DEFB125: variants seen among roughly 807,000 people sequenced by gnomAD.
The protein encoded by DEFB125 is beta-defensin 125.
A neutral mutation model predicts 11.8 loss-of-function variants in DEFB125; 11 were observed. That is an observed-to-expected ratio of 0.94 (90% CI 0.59 to 1.55). DEFB125 has a LOEUF of 1.55. Among genes scored for constraint, DEFB125 ranks in the 40% most tolerant of loss-of-function variants. The pLI is 0.00. For missense variants in DEFB125, 198 were observed against 191.2 expected (o/e 1.04, Z -0.21); for synonymous variants, 79 against 66.7 (o/e 1.18, Z -0.90).
intron 1 of DEFB125, among the ~76,000 whole-genome samples, chr20:88,377 A>AAT (rs2054483924): frequency 6.6e-6 from 1 of 152,188 alleles, no homozygotes. Flanking sequence ...ACTATTTAAT[A>AAT]ATGCTACTTT....
chr20:94,713 T>A (rs2054508517), intron 1 of DEFB125, among the ~76,000 whole-genome samples: 1 of 152,148 alleles, frequency 6.6e-6, no homozygotes, highest in Non-Finnish European at 1.5e-5. Context: ...AACTTTTTCC[T>A]CCTATCTAGG....
At chr20:89,345 T>G (rs2054488158) in intron 1 of DEFB125, among the ~76,000 whole-genome samples, 1 of 152,140 alleles carries the variant, frequency 6.6e-6, no homozygotes, top group African/African-American at 2.4e-5. Flanking sequence ...TTGGAAATTT[T>G]GAAATTGTAA....
intron 1 of DEFB125, among the ~76,000 whole-genome samples, chr20:93,780 G>A (rs2054504977): frequency 6.6e-6 from 1 of 152,134 alleles, no homozygotes; most frequent in Non-Finnish European, 1.5e-5. Context: ...CCTGTACAGG[G>A]CAATCCAGAA....
intron 1 of DEFB125, among the ~76,000 whole-genome samples, chr20:89,958 TTTATA>T (rs1402818513): frequency 6.6e-6 from 1 of 152,204 alleles, no homozygotes; most frequent in African/African-American, 2.4e-5. Context: ...CTCTCTGGGC[TTTATA>T]TTATGTGTTT....
In DEFB125 at chr20:96,223, GTA is replaced by G; in HGVS notation, c.279_280del (p.Ser94TyrfsTer4). 1 of 1,614,152 alleles carries G rather than the reference GTA, an allele frequency of 6.2e-7. No individual in the cohort carries two copies. Among genetic ancestry groups the G allele is most frequent in the Non-Finnish European group, 8.5e-7 (1 of 1,180,028 alleles). On this transcript the variant is annotated frameshift_variant, in exon 2 of 2. Transcript: ENST00000382410. LOFTEE classifies it high-confidence loss of function. ...SDVDSFTGSP[V>X]SMLNDLITFD... Reference sequence around the variant, plus strand: ...TGTGGACTCTTTTACTGGTTCCCCAGTATCTATGTTGAATGATCTGATAACAT... The same window carrying G: ...TGTGGACTCTTTTACTGGTTCCCCAGTCTATGTTGAATGATCTGATAACAT...
In DEFB125 at chr20:96,059, G is replaced by A. The variant is rs116934569; in HGVS notation, c.113G>A (p.Arg38Gln). The A allele has an allele frequency of 3.2e-4, 514 of 1,613,406 alleles. 2 individuals are homozygous for A. The East Asian group carries it at 6.9e-3, about 22-fold the overall frequency. Reference protein sequence around the residue: ...WKNNVGHCRRRCLDTERYILL... With the variant: ...WKNNVGHCRRQCLDTERYILL... ...AATAATGTAGGACATTGCAGAAGACGATGTTTAGATACTGAAAGGTACATA... is the reference window on the plus strand; with the variant it reads ...AATAATGTAGGACATTGCAGAAGACAATGTTTAGATACTGAAAGGTACATA... The change falls in exon 2 of 2, where the codon CGA becomes CAA. Residue 38 changes from arginine (R) to glutamine (Q), a missense_variant. Physicochemically the swap from Arg to Gln is conservative, Grantham distance 43. Coordinates refer to ENST00000382410, the MANE Select transcript of DEFB125 (RefSeq NM_153325.4).
intron 1 of DEFB125, among the ~76,000 whole-genome samples, chr20:88,129 C>T (rs1292267168): frequency 2.0e-5 from 3 of 152,178 alleles, no homozygotes; most frequent in African/African-American, 4.8e-5. Context: ...AGTTCTCCTA[C>T]CATCTTGAAT....
At chr20:95,538 A>T (rs916522963) in intron 1 of DEFB125, among the ~76,000 whole-genome samples, 30 of 150,430 alleles carry the variant, frequency 2.0e-4, no homozygotes, top group Middle Eastern at 3.5e-3. Context: ...CTGGCCTGAA[A>T]TTTTTTTTTT....
At position 95,951 on chromosome 20, in the gene DEFB125, G is replaced by GTTGT. The variant is rs937361143; in HGVS notation, c.59-52_59-49dup. 1.5e-5 allele frequency: 23 copies of GTTGT among 1,490,426 alleles called. No individual in the cohort carries two copies. In the African/African-American group the frequency reaches 3.1e-4, roughly 20 times the overall value. The allele number at this position is 1,490,426 out of a possible 1,614,324, so 92.3% of individuals were successfully genotyped here. On this transcript the variant is annotated intron_variant, in intron 1 of 1. Transcript: ENST00000382410. ...GTGTAAATTTTTGAATGAATGAAAAGTTGTTATGTTGATGCCAGAGTTAAA... is the reference window on the plus strand; with the variant it reads ...GTGTAAATTTTTGAATGAATGAAAAGTTGTTTGTTATGTTGATGCCAGAGTTAAA...
intron 1 of DEFB125, among the ~76,000 whole-genome samples, chr20:93,704 A>G (rs2054504698): frequency 6.6e-6 from 1 of 152,158 alleles, no homozygotes; most frequent in Admixed American, 6.5e-5. Flanking sequence ...TTCTGTTTTC[A>G]TGCATATCAG....
rs200192457 is a variant in DEFB125 at position 87,722 on chromosome 20, A to C, written c.13A>C (p.Met5Leu). Reference sequence around the variant, plus strand: ...TCTCCCAGGAGCCATGAATATCCTGATGCTGACCTTCATTATCTGTGGGTT... The same window carrying C: ...TCTCCCAGGAGCCATGAATATCCTGCTGCTGACCTTCATTATCTGTGGGTT... MNIL[M>L]LTFIICGLLT... Residue 5 changes from methionine to leucine, a missense_variant, in exon 1 of 2, where the codon ATG (methionine) becomes CTG (leucine). Transcript: ENST00000382410. The C allele has an allele frequency of 6.2e-7, 1 of 1,613,210 alleles. No individual in the cohort carries two copies. The highest frequency in any genetic ancestry group is 8.5e-7 in the Non-Finnish European group (1 of 1,179,256).
chr20:94,361 C>G (rs554200744), intron 1 of DEFB125, among the ~76,000 whole-genome samples: 1 of 152,100 alleles, frequency 6.6e-6, no homozygotes, highest in African/African-American at 2.4e-5. Context: ...CAGTGGACCC[C>G]TTTTGGCACC....
chr20:96,004 G>A lies in DEFB125; in HGVS notation c.59-1G>A, dbSNP rs1315685806. ...TTTGACCTATATTTTATTCTCTACA[G>A]GTAGCTTTGAACCCCAAAAATGTTG... is the stretch of plus-strand genomic sequence containing the variant. On this transcript the variant is annotated splice_acceptor_variant, in intron 1 of 1. Coordinates refer to ENST00000382410, the MANE Select transcript of DEFB125 (RefSeq NM_153325.4). LOFTEE classifies it high-confidence loss of function. 8.8e-6 allele frequency: 14 copies of A among 1,593,964 alleles called. No homozygotes were observed. The highest frequency in any genetic ancestry group is 1.1e-5 in the Non-Finnish European group (13 of 1,167,048).
chr20:92,174 T>C (rs192753843), intron 1 of DEFB125, among the ~76,000 whole-genome samples: 4 of 152,328 alleles, frequency 2.6e-5, no homozygotes, highest in South Asian at 2.1e-4. Context: ...TCCTCCTCCA[T>C]AGAGCCTTAT....
intron 1 of DEFB125, among the ~76,000 whole-genome samples, chr20:93,904 T>A (rs187470882): frequency 0.019 from 2,854 of 150,632 alleles, 35 homozygotes; most frequent in South Asian, 0.036. Flanking sequence ...TTGGTAATAT[T>A]TTTTTTTTCC....
At chr20:91,724 A>T (rs2054496802) in intron 1 of DEFB125, among the ~76,000 whole-genome samples, 1 of 152,244 alleles carries the variant, frequency 6.6e-6, no homozygotes, top group South Asian at 2.1e-4. Context: ...TGACAGAACA[A>T]GGCGATTCAA....
chr20:91,925 C>T (rs994741832), intron 1 of DEFB125, among the ~76,000 whole-genome samples: 5 of 151,966 alleles, frequency 3.3e-5, no homozygotes, highest in African/African-American at 9.7e-5. Flanking sequence ...AAAGTAAAAT[C>T]GAGCCAGTAA....
intron 1 of DEFB125, among the ~76,000 whole-genome samples, chr20:92,642 C>T (rs751115941): frequency 1.3e-5 from 2 of 152,098 alleles, no homozygotes; most frequent in African/African-American, 2.4e-5. Flanking sequence ...CCACCCTCCT[C>T]GGCTTCCCAA....
chr20:94,684 C>T (rs1830871792), intron 1 of DEFB125, among the ~76,000 whole-genome samples: 2 of 152,042 alleles, frequency 1.3e-5, no homozygotes, highest in Non-Finnish European at 2.9e-5. Context: ...GGTTGGGGAC[C>T]CCTGCTATAG....
Sources: allele counts gnomAD v4.1 joint callset (sites outside exome capture counted in the v4.1 genomes callset), GRCh38; gene constraint gnomAD v4.1.1; transcripts MANE v1.5; gene names NCBI Gene and HGNC (gene_info 2026-07-23, HGNC 2026-07-21).